Variants in ZNF385B observed in about 807,000 individuals in gnomAD.
ZNF385B encodes zinc finger protein 385B.
Under a neutral mutation model 39.2 loss-of-function variants are expected in ZNF385B, and 23 were observed. That is an observed-to-expected ratio of 0.59 (90% CI 0.42 to 0.83). The LOEUF (loss-of-function observed/expected upper bound fraction) is 0.83. ZNF385B is among the 40% of genes least tolerant of loss of function. ZNF385B has a pLI of 0.00. For synonymous variants in ZNF385B, 205 were observed against 222.6 expected, an observed-to-expected ratio of 0.92 and a Z score of 0.70; for missense variants, 552 against 598.9, an observed-to-expected ratio of 0.92 and a Z score of 0.82.
intron 3 of ZNF385B, among the ~76,000 whole-genome samples, chr2:179,750,320 T>G (rs1702599836): frequency 6.6e-6 from 1 of 152,116 alleles, no homozygotes; most frequent in Non-Finnish European, 1.5e-5. Flanking sequence ...CTCAATTAAA[T>G]TTATCTGGGG....
chr2:179,576,770 G>A (rs1052879790), intron 3 of ZNF385B, among the ~76,000 whole-genome samples: 1 of 152,108 alleles, frequency 6.6e-6, no homozygotes, highest in Non-Finnish European at 1.5e-5. Context: ...TGTAATTCAG[G>A]GAAGAGACCA....
At chr2:179,858,953 C>T (rs543844163) in intron 1 of ZNF385B, among the ~76,000 whole-genome samples, 1 of 152,296 alleles carries the variant, frequency 6.6e-6, no homozygotes, top group Non-Finnish European at 1.5e-5. Flanking sequence ...GCGGGGTGGC[C>T]AGTCCAGGGA....
At chr2:179,829,648 G>C (rs576374737) in intron 1 of ZNF385B, among the ~76,000 whole-genome samples, 1 of 152,070 alleles carries the variant, frequency 6.6e-6, no homozygotes, top group East Asian at 1.9e-4. Context: ...CAAGTAGCTG[G>C]GACTACAGGC....
At position 179,524,551 on chromosome 2, in the gene ZNF385B, C is replaced by CA. The variant is rs770219234; in HGVS notation, c.442-5914dup. Reference sequence around the variant, plus strand: ...TGGGTGACAGAGCGAGACTCCGTCTCAAAAAAAAAAAAAAAAAAAAAAAAA... The same window carrying CA: ...TGGGTGACAGAGCGAGACTCCGTCTCAAAAAAAAAAAAAAAAAAAAAAAAAA... On this transcript the variant is annotated intron_variant, in intron 4 of 9. Coordinates refer to ENST00000410066, the MANE Select transcript of ZNF385B (RefSeq NM_152520.6). 3.6e-4 allele frequency among the ~76,000 whole-genome samples: 22 copies of CA among 60,990 alleles called. 2 individuals carry two copies. The highest frequency in any genetic ancestry group is 1.2e-3 in the African/African-American group (16 of 12,896). The allele number at this position is 60,990 out of a possible 152,430, so 40.0% of individuals were successfully genotyped here.
chr2:179,583,757 AAAAT>A (rs1686795037), intron 3 of ZNF385B, among the ~76,000 whole-genome samples: 1 of 152,220 alleles, frequency 6.6e-6, no homozygotes, highest in African/African-American at 2.4e-5. Context: ...AATAGACAAC[AAAAT>A]AGAGACACAC....
At position 179,542,631 on chromosome 2, in the gene ZNF385B, A is replaced by C. The variant is rs1010446094; in HGVS notation, c.441+2196T>G. ...TGAAATTGTAATTTTATCTTTAAAA[A>C]TCCTTTATGAAGGTATTCTCTCCAT... is the stretch of plus-strand genomic sequence containing the variant. On this transcript the variant is annotated intron_variant, in intron 4 of 9. Coordinates refer to ENST00000410066, the MANE Select transcript of ZNF385B (RefSeq NM_152520.6). 3.8e-4 allele frequency among the ~76,000 whole-genome samples: 58 copies of C among 152,304 alleles called. 1 individual carries two copies. Among genetic ancestry groups the C allele is most frequent in the African/African-American group, 1.4e-3 (57 of 41,566 alleles).
At chr2:179,567,395 C>T (rs1439037047) in intron 3 of ZNF385B, among the ~76,000 whole-genome samples, 1 of 152,160 alleles carries the variant, frequency 6.6e-6, no homozygotes, top group Non-Finnish European at 1.5e-5. Context: ...CTGAGCAAGA[C>T]ATTATGGTAA....
chr2:179,536,547 T>G (rs1034648342), intron 4 of ZNF385B: 1 of 152,208 alleles, frequency 6.6e-6, no homozygotes, highest in Non-Finnish European at 1.5e-5. Flanking sequence ...TACATTCTTT[T>G]ACCTCATAAA....
chr2:179,690,967 G>A (rs1698311688), intron 3 of ZNF385B, among the ~76,000 whole-genome samples: 1 of 152,188 alleles, frequency 6.6e-6, no homozygotes, highest in African/African-American at 2.4e-5. Flanking sequence ...AGAGGAAGGT[G>A]AAGATGACTC....
At chr2:179,610,872 A>T (rs966025167) in intron 3 of ZNF385B, among the ~76,000 whole-genome samples, 2 of 152,058 alleles carry the variant, frequency 1.3e-5, no homozygotes, top group Non-Finnish European at 2.9e-5. Context: ...AGTGCTACTA[A>T]TTTTTGTATG....
In ZNF385B at chr2:179,480,829, A is replaced by C. The variant is rs759769120; in HGVS notation, c.715+2443T>G. ...AGAAACAAAAAGTAATGGCCCAGCA[A>C]ATGAGTTACCAAATAATTTATACAG... On this transcript the variant is annotated intron_variant, in intron 6 of 9. Transcript: ENST00000410066. The C allele has an allele frequency of 2.6e-5, 4 of 152,190 alleles. 1 individual carries two copies. Among genetic ancestry groups the C allele is most frequent in the Non-Finnish European group, 5.9e-5 (4 of 68,026 alleles). 9.4% of individuals were successfully genotyped at this position (152,190 alleles called of 1,614,324 possible).
At chr2:179,663,740 C>G (rs569975141) in intron 3 of ZNF385B, among the ~76,000 whole-genome samples, 2 of 118,436 alleles carry the variant, frequency 1.7e-5, no homozygotes, top group African/African-American at 3.7e-5. Context: ...AAAAAAAAAT[C>G]TCATGAAAGA....
At chr2:179,646,408 G>A (rs758306824) in intron 3 of ZNF385B, among the ~76,000 whole-genome samples, 15 of 152,200 alleles carry the variant, frequency 9.9e-5, no homozygotes, top group African/African-American at 3.4e-4. Flanking sequence ...ACGAGACTAC[G>A]TCTCAAAAAA....
intron 3 of ZNF385B, among the ~76,000 whole-genome samples, chr2:179,623,118 T>C (rs17768920): frequency 0.18 from 27,785 of 152,234 alleles, 3,188 homozygotes; most frequent in South Asian, 0.29. Flanking sequence ...TGGCAATGGC[T>C]TGAGGCATGT....
chr2:179,838,732 T>C (rs1575581643), intron 1 of ZNF385B, among the ~76,000 whole-genome samples: 1 of 152,156 alleles, frequency 6.6e-6, no homozygotes, highest in South Asian at 2.1e-4. Context: ...CTTCATGATA[T>C]CTCCAGTCTG....
intron 3 of ZNF385B, among the ~76,000 whole-genome samples, chr2:179,545,255 A>G (rs764293880): frequency 8.7e-4 from 133 of 152,194 alleles, no homozygotes; most frequent in Non-Finnish European, 1.6e-3. Context: ...GTCAGACAGA[A>G]TGAGAATGTC....
chr2:179,641,176 A>C (rs1692233646), intron 3 of ZNF385B, among the ~76,000 whole-genome samples: 1 of 137,664 alleles, frequency 7.3e-6, no homozygotes, highest in Non-Finnish European at 1.6e-5. Context: ...TTTGATGAAC[A>C]GGTGTGTTTG....
intron 1 of ZNF385B, among the ~76,000 whole-genome samples, chr2:179,843,564 G>A (rs1708652728): frequency 6.6e-6 from 1 of 152,186 alleles, no homozygotes; most frequent in South Asian, 2.1e-4. Flanking sequence ...CACAGTAACT[G>A]CCTCTCTCTT....
At chr2:179,755,897 C>T (rs960552031) in intron 3 of ZNF385B, among the ~76,000 whole-genome samples, 18 of 152,138 alleles carry the variant, frequency 1.2e-4, no homozygotes, top group African/African-American at 3.6e-4. Context: ...ATTTGCTAGT[C>T]TGTGTCTTTT....
Sources: gnomAD v4.1 joint callset for allele counts (sites outside exome capture counted in the v4.1 genomes callset) on GRCh38, gnomAD v4.1.1 for gene constraint, MANE v1.5 for transcripts, NCBI Gene and HGNC (gene_info 2026-07-23, HGNC 2026-07-21) for gene names.